Variants in NTN4 observed in about 807,000 individuals in gnomAD.
NTN4 encodes the protein netrin-4.
NTN4 carries 32 observed loss-of-function variants against 73.6 expected under a neutral mutation model. The observed-to-expected ratio is 0.44, with a 90% CI of 0.33 to 0.58. NTN4 has a LOEUF of 0.58. NTN4 is among the 20% of genes least tolerant of loss of function. The probability of loss-of-function intolerance (pLI) is 0.04; values close to 1 mark genes in which losing one functional copy is unlikely to be tolerated. For synonymous variants in NTN4, 258 were observed against 287.5 expected (o/e 0.90, Z 1.04); for missense variants, 654 against 798.3 (o/e 0.82, Z 2.18).
intron 5 of NTN4, among the ~76,000 whole-genome samples, chr12:95,705,447 A>G (rs2078515805): frequency 1.3e-5 from 2 of 151,942 alleles, no homozygotes; most frequent in African/African-American, 4.8e-5. Context: ...TACTTCCCTC[A>G]TCCTCACACT....
In NTN4 at chr12:95,708,411, C is replaced by G. The variant is rs181360857; in HGVS notation, c.1180+2030G>C. 7.1e-3 allele frequency among the ~76,000 whole-genome samples: 1,072 copies of G among 151,842 alleles called. 15 individuals carry two copies. Among genetic ancestry groups the G allele is most frequent in the African/African-American group, 0.024 (1,003 of 41,426 alleles). On this transcript the variant is annotated intron_variant, in intron 5 of 9. Transcript: ENST00000343702. ...CACGCCATTCTCCTGCCTCAGCCTC[C>G]CGAGTAGCTGGAACTACAGGCGCCC...
intron 5 of NTN4, among the ~76,000 whole-genome samples, chr12:95,694,545 T>C (rs914750342): frequency 6.6e-6 from 1 of 152,220 alleles, no homozygotes; most frequent in Non-Finnish European, 1.5e-5. Context: ...ATTTGAACTG[T>C]TATACATAAA....
intron 2 of NTN4, among the ~76,000 whole-genome samples, chr12:95,775,493 C>G (rs1238081952): frequency 6.6e-6 from 1 of 152,222 alleles, no homozygotes; most frequent in Non-Finnish European, 1.5e-5. Flanking sequence ...TAATATTGCG[C>G]TTTTCCAATG....
rs553685411 is a variant in NTN4 at position 95,682,151 on chromosome 12, C to T, written c.1510+556G>A. On this transcript the variant is annotated intron_variant, in intron 7 of 9. Transcript: ENST00000343702. ...GATCACAGCTCACTGTAGCCTTGAC[C>T]GCTCAAGTGATCCTCCCACCTTAGC... Among the ~76,000 whole-genome samples, 13 of 142,398 alleles carry T rather than the reference C, an allele frequency of 9.1e-5. No individual in the cohort carries two copies. In the East Asian group the frequency reaches 1.5e-3, roughly 17 times the overall value. 93.4% of individuals were successfully genotyped at this position (142,398 alleles called of 152,430 possible). A position where few individuals can be genotyped will look rare whatever the true frequency, so the allele number is the denominator to read the frequency against.
intron 3 of NTN4, among the ~76,000 whole-genome samples, chr12:95,729,632 A>AGTGTGTGTGTGTGT (rs758891542): frequency 8.1e-6 from 1 of 124,088 alleles, no homozygotes; most frequent in Non-Finnish European, 1.8e-5. Flanking sequence ...AGAGAGAGAG[A>AGTGTGTGTGTGTGT]GTGTGTGTGT....
chr12:95,743,333 T>A (rs1379574860), intron 2 of NTN4, among the ~76,000 whole-genome samples: 1 of 152,234 alleles, frequency 6.6e-6, no homozygotes, highest in African/African-American at 2.4e-5. Flanking sequence ...ATTTACTTTC[T>A]TCTGCTTACT....
Position 95,790,031 on chromosome 12 carries a change from A to G in NTN4, c.55+224T>C, listed in dbSNP as rs1187213350. On this transcript the variant is annotated intron_variant, in intron 1 of 9. Transcript: ENST00000343702. This position sits in a 1 kb window ranked among gnomAD's most constrained non-coding sequence, Gnocchi z 6.5. ...GTATCCCCGGCAGGGCGCACCCAGG[A>G]TAGCTGGTTATCCAAGCGCATGTGT... 1 of 443,578 alleles carries G rather than the reference A, an allele frequency of 2.3e-6. No homozygotes were observed. The highest frequency in any genetic ancestry group is 4.3e-5 in the Admixed American group (1 of 23,182). 27.5% of individuals were successfully genotyped at this position (443,578 alleles called of 1,614,324 possible).
intron 5 of NTN4, among the ~76,000 whole-genome samples, chr12:95,695,371 T>G (rs1385796183): frequency 1.3e-5 from 2 of 149,658 alleles, no homozygotes; most frequent in East Asian, 3.9e-4. Flanking sequence ...TAGCCTTTAT[T>G]TTATTTTATT....
intron 5 of NTN4, among the ~76,000 whole-genome samples, chr12:95,697,315 C>A (rs1025523061): frequency 6.6e-6 from 1 of 152,174 alleles, no homozygotes; most frequent in Non-Finnish European, 1.5e-5. Flanking sequence ...CCAATTAGAA[C>A]TCTTTGTTCA....
intron 7 of NTN4, chr12:95,674,052 G>C (rs2078254681): frequency 6.6e-6 from 1 of 152,234 alleles, no homozygotes; most frequent in Admixed American, 6.5e-5. Flanking sequence ...GTGGAGGGGA[G>C]CATTGGTGGC....
rs1592705430 is a variant in NTN4, at chr12:95,753,843, G to A, written c.586-15699C>T. On this transcript the variant is annotated intron_variant, in intron 2 of 9. Coordinates refer to ENST00000343702, the MANE Select transcript of NTN4 (RefSeq NM_021229.4). ...AGACGCTCCTTTTTATTAGGCCCCA[G>A]TCTCATTCGACACCAGACCAACTTA... Among the ~76,000 whole-genome samples, 5 of 152,198 alleles carry A rather than the reference G, an allele frequency of 3.3e-5. No homozygotes were observed. In the South Asian group the frequency reaches 1.0e-3, roughly 32 times the overall value.
chr12:95,677,529 T>C (rs2078282318), intron 7 of NTN4, among the ~76,000 whole-genome samples: 1 of 152,116 alleles, frequency 6.6e-6, no homozygotes, highest in Non-Finnish European at 1.5e-5. Context: ...GTTATAAACA[T>C]CAATATGAAA....
rs771800661 is a variant in NTN4 at position 95,670,067 on chromosome 12, T to C, written c.1579+11A>G. On this transcript the variant is annotated intron_variant, in intron 8 of 9. Transcript: ENST00000343702. ...TAGGTTCTCAGAAGCATTCAAGGAT[T>C]TCAGACTCACCATATGAATATTTCA... The C allele has an allele frequency of 6.4e-7, 1 of 1,558,044 alleles. No individual in the cohort carries two copies. The highest frequency in any genetic ancestry group is 1.2e-5 in the South Asian group (1 of 82,522).
intron 7 of NTN4, 72 bp from the exon 8 acceptor site, chr12:95,670,218 G>C: frequency 1.2e-6 from 1 of 860,526 alleles, no homozygotes; most frequent in Non-Finnish European, 1.9e-6. Context: ...AGATCAGCAA[G>C]TGTATCCAGA....
intron 3 of NTN4, among the ~76,000 whole-genome samples, chr12:95,715,415 A>C (rs1386770283): frequency 1.3e-5 from 2 of 152,192 alleles, no homozygotes; most frequent in Non-Finnish European, 2.9e-5. Flanking sequence ...AATTTTCTTT[A>C]TAGAAATGCA....
At position 95,790,053 on chromosome 12, in the gene NTN4, G is replaced by A. The variant is rs2079196802; in HGVS notation, c.55+202C>T. 2.2e-6 allele frequency: 1 copy of A among 464,442 alleles called. No homozygotes were observed. Among genetic ancestry groups the A allele is most frequent in the Middle Eastern group, 3.2e-4 (1 of 3,150 alleles). 28.8% of individuals were successfully genotyped at this position (464,442 alleles called of 1,614,324 possible). The stretch of plus-strand genomic sequence containing the variant: ...AGGATAGCTGGTTATCCAAGCGCAT[G>A]TGTATCCCAGTTGTAAAAATAAATC... On this transcript the variant is annotated intron_variant, in intron 1 of 9. Transcript: ENST00000343702. The surrounding 1 kb of genome is among the most constrained non-coding windows in gnomAD (Gnocchi z 6.5).
intron 2 of NTN4, among the ~76,000 whole-genome samples, chr12:95,746,232 C>T (rs1464903323): frequency 6.6e-6 from 1 of 152,152 alleles, no homozygotes; most frequent in East Asian, 1.9e-4. Flanking sequence ...CTGCAGTTCC[C>T]AGGAATTCGT....
At chr12:95,720,228 C>T (rs958051329) in intron 3 of NTN4, among the ~76,000 whole-genome samples, 6 of 152,222 alleles carry the variant, frequency 3.9e-5, no homozygotes, top group Admixed American at 3.9e-4. Flanking sequence ...ATCATGTTTT[C>T]AATCCTAGAA....
In NTN4 at chr12:95,741,626, AAT is replaced by A. The variant is rs374915899; in HGVS notation, c.586-3484_586-3483del. Among the ~76,000 whole-genome samples the A allele has an allele frequency of 7.5e-4, 36 of 47,730 alleles. No homozygotes were observed. The East Asian group carries it at 8.2e-3, about 11-fold the overall frequency. 31.3% of individuals were successfully genotyped at this position (47,730 alleles called of 152,430 possible). A position where few individuals can be genotyped will look rare whatever the true frequency, so the allele number is the denominator to read the frequency against. On this transcript the variant is annotated intron_variant, in intron 2 of 9. Transcript: ENST00000343702. ...ACTCAAGCTTTCTTTTAAAGTGTTT[AAT>A]ATATATATATAAAAATTATATATAA...
Sources: allele counts gnomAD v4.1 joint callset (sites outside exome capture counted in the v4.1 genomes callset), GRCh38; gene constraint gnomAD v4.1.1; non-coding constraint Gnocchi (gnomAD v3.1); transcripts MANE v1.5; gene names NCBI Gene and HGNC (gene_info 2026-07-23, HGNC 2026-07-21).